The following EWSR1 variants were observed in gnomAD, a reference collection of about 807,000 sequenced individuals.
EWSR1 encodes the protein RNA-binding protein EWS.
In EWSR1, 14 loss-of-function variants were observed where a neutral mutation model predicts 92.1. That is an observed-to-expected ratio of 0.15 (90% CI 0.10 to 0.24). The LOEUF (loss-of-function observed/expected upper bound fraction) is 0.24. EWSR1 is among the 10% of genes least tolerant of loss of function. EWSR1 has a pLI of 1.00. For missense variants in EWSR1, 637 were observed against 870.9 expected (o/e 0.73, Z 3.38); for synonymous variants, 303 against 292.9 (o/e 1.03, Z -0.35).
rs542297538 is a variant in EWSR1, at chr22:29,295,156, C to G, written c.1165-1083C>G. On this transcript the variant is annotated intron_variant, in intron 11 of 16. Transcript: ENST00000397938. The stretch of plus-strand genomic sequence containing the variant: ...TTTCAGCTCACTGCAACCTCCGCCT[C>G]CTGGGTTCAAGCCTCAAGCCTCTTG... Among the ~76,000 whole-genome samples, 6 of 152,100 alleles carry G rather than the reference C, an allele frequency of 3.9e-5. No individual in the cohort carries two copies. The East Asian group carries it at 1.2e-3, about 30-fold the overall frequency.
intron 11 of EWSR1, 119 bp downstream of exon 11, chr22:29,292,725 G>T: frequency 3.5e-6 from 2 of 575,668 alleles, no homozygotes; most frequent in Non-Finnish European, 3.1e-6. Flanking sequence ...TTCTTTCTAG[G>T]TATCTTATGG....
chr22:29,276,617 T>A (rs2059144797), intron 4 of EWSR1: 2 of 226,982 alleles, frequency 8.8e-6, no homozygotes, highest in South Asian at 3.7e-4. Context: ...GCTTTTTCTT[T>A]AGTGAGATGT....
intron 1 of EWSR1, among the ~76,000 whole-genome samples, chr22:29,268,691 G>A (rs2146587746): frequency 6.6e-6 from 1 of 152,356 alleles, no homozygotes; most frequent in South Asian, 2.1e-4. Context: ...CCTGCGTGAA[G>A]GGGAGGATTT....
At chr22:29,282,318 C>T in intron 5 of EWSR1, 72 bp from the exon 6 acceptor site, 7 of 1,241,950 alleles carry the variant, frequency 5.6e-6, no homozygotes, top group Non-Finnish European at 7.7e-6. Context: ...CATTCTTACC[C>T]AGGAGTTTTG....
chr22:29,298,612 G>A, intron 13 of EWSR1, 121 bp from the exon 14 acceptor site: 1 of 1,242,482 alleles, frequency 8.0e-7, no homozygotes, highest in Non-Finnish European at 1.2e-6. Flanking sequence ...GGAAACACGG[G>A]ACAGGTGATG....
chr22:29,279,583 T>A (rs867205110), intron 5 of EWSR1, among the ~76,000 whole-genome samples: 1 of 152,226 alleles, frequency 6.6e-6, no homozygotes, highest in Non-Finnish European at 1.5e-5. Flanking sequence ...TTAACTGGCT[T>A]GTGTATACAG....
Position 29,281,249 on chromosome 22 carries a change from A to T in EWSR1, c.414-1141A>T, listed in dbSNP as rs182245173. ...AGGCTGGTGTCCAACTCCTGACATC[A>T]TGCAATCCACCTGCCTTGGCCTCCC... is the stretch of plus-strand genomic sequence containing the variant. On this transcript the variant is annotated intron_variant, in intron 5 of 16. Coordinates refer to ENST00000397938, the MANE Select transcript of EWSR1 (RefSeq NM_005243.4). Among the ~76,000 whole-genome samples, 43 of 152,128 alleles carry T rather than the reference A, an allele frequency of 2.8e-4. No individual in the cohort carries two copies. The East Asian group carries it at 7.9e-3, about 28-fold the overall frequency.
At chr22:29,298,212 T>C (rs959525649) in intron 13 of EWSR1, among the ~76,000 whole-genome samples, 1 of 152,188 alleles carries the variant, frequency 6.6e-6, no homozygotes, top group African/African-American at 2.4e-5. Context: ...CCTTACAGAA[T>C]TGTGGGAGTT....
intron 1 of EWSR1, 49 bp downstream of exon 1, chr22:29,268,398 A>T (rs759738889): frequency 6.2e-7 from 1 of 1,613,754 alleles, no homozygotes; most frequent in Non-Finnish European, 8.5e-7. Flanking sequence ...GGAACGCCCA[A>T]ACTGGGGGTC....
intron 5 of EWSR1, among the ~76,000 whole-genome samples, chr22:29,282,112 G>A (rs547539912): frequency 3.0e-4 from 45 of 152,228 alleles, no homozygotes; most frequent in African/African-American, 1.0e-3. Flanking sequence ...CTTTTATAGC[G>A]TTTACTGTGA....
intron 5 of EWSR1, among the ~76,000 whole-genome samples, chr22:29,279,338 T>C (rs2059382787): frequency 6.6e-6 from 1 of 152,216 alleles, no homozygotes; most frequent in South Asian, 2.1e-4. Context: ...CCTAATTGTC[T>C]GGAAAGGACA....
Position 29,286,907 on chromosome 22 carries a change from CTT to C in EWSR1, c.582-15_582-14del, listed in dbSNP as rs1376035691. On this transcript the variant is annotated splice_polypyrimidine_tract_variant and intron_variant, in intron 6 of 16. Coordinates refer to ENST00000397938, the MANE Select transcript of EWSR1 (RefSeq NM_005243.4). ...TCTAAAAAAGCTTTTTTTTTTTTCT[CTT>C]CTCTCTCTTTCAGCTATTCCTCTAC... 1.3e-6 allele frequency: 2 copies of C among 1,521,452 alleles called. No homozygotes were observed. Among genetic ancestry groups the C allele is most frequent in the Admixed American group, 2.0e-5 (1 of 50,552 alleles). 94.2% of individuals were successfully genotyped at this position (1,521,452 alleles called of 1,614,324 possible). A position where few individuals can be genotyped will look rare whatever the true frequency, so the allele number is the denominator to read the frequency against.
At chr22:29,290,710 C>G in intron 8 of EWSR1, 1 of 1,288,014 alleles carries the variant, frequency 7.8e-7, no homozygotes, top group Non-Finnish European at 9.9e-7. Flanking sequence ...ATGGTGTGTA[C>G]TTTTAAAAAG....
At chr22:29,270,077 C>T (rs1372172281) in intron 1 of EWSR1, among the ~76,000 whole-genome samples, 1 of 152,222 alleles carries the variant, frequency 6.6e-6, no homozygotes, top group Non-Finnish European at 1.5e-5. Context: ...GCCCTTCTGA[C>T]CTTCCAGCAT....
Position 29,268,473 on chromosome 22 carries a change from C to T in EWSR1, c.13+124C>T, listed in dbSNP as rs190443563. 1.3e-3 allele frequency: 1,944 copies of T among 1,545,654 alleles called. 2 individuals carry two copies. The highest frequency in any genetic ancestry group is 1.7e-3 in the South Asian group (148 of 89,630). Reference sequence around the variant, plus strand: ...GCCGAGAGGGGGTTGAGGCACCCGCCGCGGCCCGACGAGCTCGGGGATCCG... The same window carrying T: ...GCCGAGAGGGGGTTGAGGCACCCGCTGCGGCCCGACGAGCTCGGGGATCCG... On this transcript the variant is annotated intron_variant, in intron 1 of 16. Coordinates refer to ENST00000397938, the MANE Select transcript of EWSR1 (RefSeq NM_005243.4).
In EWSR1 at chr22:29,273,979, T is replaced by A. The variant is rs914003405; in HGVS notation, c.226+115T>A. 4.5e-6 allele frequency: 6 copies of A among 1,342,718 alleles called. No individual in the cohort carries two copies. The African/African-American group carries it at 8.8e-5, about 20-fold the overall frequency. The allele number at this position is 1,342,718 out of a possible 1,614,324, so 83.2% of individuals were successfully genotyped here. A position where few individuals can be genotyped will look rare whatever the true frequency, so the allele number is the denominator to read the frequency against. On this transcript the variant is annotated intron_variant, in intron 4 of 16. Coordinates refer to ENST00000397938, the MANE Select transcript of EWSR1 (RefSeq NM_005243.4). ...GGTCCATACCTTGGCATCTGGGGAA[T>A]CCTTTATTCTTAGGAAGAGGTATTT...
intron 12 of EWSR1, 134 bp downstream of exon 12, chr22:29,296,502 T>G: frequency 2.1e-6 from 2 of 953,710 alleles, no homozygotes; most frequent in Non-Finnish European, 3.1e-6. Flanking sequence ...CTCCCTGCAG[T>G]AGTAGTAGCA....
At position 29,268,458 on chromosome 22, in the gene EWSR1, G is replaced by A. The variant is rs2058311053; in HGVS notation, c.13+109G>A. ...AGACTGAGTGGAGTTGCCGAGAGGG[G>A]GTTGAGGCACCCGCCGCGGCCCGAC... is the stretch of plus-strand genomic sequence containing the variant. On this transcript the variant is annotated intron_variant, in intron 1 of 16. Transcript: ENST00000397938. 5 of 1,586,924 alleles carry A rather than the reference G, an allele frequency of 3.2e-6. No individual in the cohort carries two copies. In the Admixed American group the frequency reaches 5.0e-5, roughly 16 times the overall value.
chr22:29,295,933 C>G (rs578162006), intron 11 of EWSR1: 2 of 330,826 alleles, frequency 6.0e-6, no homozygotes, highest in South Asian at 9.3e-5. Flanking sequence ...GGTGGCTGTG[C>G]TCAGTGGATA....
Sources: allele counts gnomAD v4.1 joint callset (sites outside exome capture counted in the v4.1 genomes callset), GRCh38; gene constraint gnomAD v4.1.1; transcripts MANE v1.5; gene names NCBI Gene and HGNC (gene_info 2026-07-23, HGNC 2026-07-21).